The following SCML2 variants were observed in gnomAD, a reference collection of about 807,000 sequenced individuals.
The protein encoded by SCML2 is Scm polycomb group protein like 2.
Under a neutral mutation model 48.4 loss-of-function variants are expected in SCML2, and 6 were observed. The ratio of observed to expected loss-of-function variants is 0.12; its 90% CI spans 0.07 to 0.24. The LOEUF (loss-of-function observed/expected upper bound fraction) is 0.24. SCML2 is among the 10% of genes least tolerant of loss of function. The probability of loss-of-function intolerance (pLI) is 1.00; values close to 1 mark genes in which losing one functional copy is unlikely to be tolerated. For missense variants in SCML2, 377 were observed against 528.2 expected (o/e 0.71, Z 2.81); for synonymous variants, 181 against 189.5 (o/e 0.95, Z 0.37).
chrX:18,315,459 C>T (rs1929090916), intron 6 of SCML2, among the ~76,000 whole-genome samples: 1 of 111,479 alleles, frequency 9.0e-6, no homozygotes, highest in Admixed American at 9.6e-5. Flanking sequence ...TTTCTAGCGG[C>T]TGTGTGAAAG....
At chrX:18,305,240 A>G in intron 6 of SCML2, 25 bp from the exon 7 acceptor site, 1 of 1,155,471 alleles carries the variant, frequency 8.7e-7, no homozygotes, top group Non-Finnish European at 1.2e-6. Flanking sequence ...AAAAAAAAAA[A>G]GATTTCATTG....
chrX:18,293,526 G>A (rs1227458510), intron 7 of SCML2, among the ~76,000 whole-genome samples: 2 of 111,901 alleles, frequency 1.8e-5, no homozygotes, highest in Admixed American at 1.9e-4. Context: ...ACTTTAACAT[G>A]GTTTGGACTA....
chrX:18,311,147 C>G (rs1177670448), intron 6 of SCML2, among the ~76,000 whole-genome samples: 1 of 112,039 alleles, frequency 8.9e-6, no homozygotes, highest in African/African-American at 3.2e-5. Flanking sequence ...ACATGAACTT[C>G]TATCTCCTTA....
Sources: allele counts gnomAD v4.1 joint callset (sites outside exome capture counted in the v4.1 genomes callset), GRCh38; gene constraint gnomAD v4.1.1; transcripts MANE v1.5; gene names NCBI Gene and HGNC (gene_info 2026-07-23, HGNC 2026-07-21).